The following SLC25A51 variants were observed in gnomAD, a reference collection of about 807,000 sequenced individuals.
The protein encoded by SLC25A51 is solute carrier family 25 member 51, also known as mitochondrial nicotinamide adenine dinucleotide transporter SLC25A51.
In SLC25A51, 11 loss-of-function variants were observed where a neutral mutation model predicts 19.1. The ratio of observed to expected loss-of-function variants is 0.58; its 90% CI spans 0.36 to 0.96. The LOEUF (loss-of-function observed/expected upper bound fraction) is 0.96. SLC25A51 is among the 40% of genes least tolerant of loss of function. SLC25A51 has a pLI of 0.01. For synonymous variants in SLC25A51, 105 were observed against 133.6 expected (o/e 0.79, Z 1.47); for missense variants, 201 against 365.4 (o/e 0.55, Z 3.67).
chr9:37,886,817 C>T (rs1831466805), downstream of SLC25A51, among the ~76,000 whole-genome samples: 1 of 152,134 alleles, frequency 6.6e-6, no homozygotes. Context: ...AATTTTCCCC[C>T]AAGGACTCTT....
exon 4 of SLC25A51, chr9:37,880,062 G>T (rs1022820214): frequency 6.6e-6 from 1 of 152,272 alleles, no homozygotes; most frequent in Admixed American, 6.5e-5. Flanking sequence ...GCTCACGCCT[G>T]TAATCCCAGC....
At chr9:37,887,463 T>A, downstream of SLC25A51, 1 of 623,980 alleles carries the variant, frequency 1.6e-6, no homozygotes, top group Non-Finnish European at 2.7e-6. Context: ...CTTGAGACTT[T>A]CCTTTGTGTG....
At chr9:37,887,583 A>G, downstream of SLC25A51, 2 of 1,501,088 alleles carry the variant, frequency 1.3e-6, no homozygotes, top group Non-Finnish European at 1.8e-6. Context: ...TAAAAAAAAA[A>G]AAAAAAGAGG....
chr9:37,886,934 C>T (rs534623366), downstream of SLC25A51, among the ~76,000 whole-genome samples: 5 of 151,410 alleles, frequency 3.3e-5, no homozygotes, highest in East Asian at 3.9e-4. Context: ...GAGGCCGAGG[C>T]GGGTGGATCA....
intron 2 of SLC25A51, among the ~76,000 whole-genome samples, chr9:37,894,925 T>A (rs975174676): frequency 2.0e-5 from 3 of 152,196 alleles, no homozygotes; most frequent in Admixed American, 6.5e-5. Flanking sequence ...TCCAGCTCCA[T>A]CCATGTTCCA....
intron 2 of SLC25A51, among the ~76,000 whole-genome samples, chr9:37,895,390 G>C (rs997604774): frequency 3.3e-5 from 5 of 150,884 alleles, no homozygotes; most frequent in African/African-American, 1.2e-4. Flanking sequence ...TGTAGAGAAG[G>C]GGTCTTGTTA....
At chr9:37,897,556 TTATAA>T (rs1255597442) in intron 2 of SLC25A51, among the ~76,000 whole-genome samples, 3 of 152,002 alleles carry the variant, frequency 2.0e-5, no homozygotes, top group African/African-American at 7.2e-5. Context: ...GCCTTCTCTT[TTATAA>T]TATGTGTAAT....
At chr9:37,882,776 C>T (rs1009336382), downstream of SLC25A51, among the ~76,000 whole-genome samples, 1 of 152,146 alleles carries the variant, frequency 6.6e-6, no homozygotes, top group African/African-American at 2.4e-5. Context: ...CGCTCATGAG[C>T]CATTTGTGCC....
At chr9:37,882,481 TAC>T (rs1258276645) in intron 2 of SLC25A51, among the ~76,000 whole-genome samples, 3 of 152,238 alleles carry the variant, frequency 2.0e-5, no homozygotes, top group Non-Finnish European at 2.9e-5. Flanking sequence ...GGTAATTATA[TAC>T]ACAAACGCTT....
intron 2 of SLC25A51, among the ~76,000 whole-genome samples, chr9:37,894,305 G>A (rs1316371884): frequency 6.6e-6 from 1 of 151,476 alleles, no homozygotes; most frequent in Non-Finnish European, 1.5e-5. Context: ...AATTAAACCT[G>A]CCCCCACTCA....
At chr9:37,901,068 G>A (rs936973660) in intron 1 of SLC25A51, among the ~76,000 whole-genome samples, 3 of 152,054 alleles carry the variant, frequency 2.0e-5, no homozygotes, top group Non-Finnish European at 2.9e-5. Context: ...GTTTCTCTAC[G>A]TTGCCCAGGC....
downstream of SLC25A51, among the ~76,000 whole-genome samples, chr9:37,885,344 A>C (rs1447265167): frequency 3.4e-5 from 2 of 59,224 alleles, no homozygotes. Context: ...GGTAATGATA[A>C]AAAAAAAAAA....
chr9:37,886,039 C>T, downstream of SLC25A51: 1 of 1,613,264 alleles, frequency 6.2e-7, no homozygotes. Flanking sequence ...ATGCTGACCT[C>T]TCCCTTAAGT....
At chr9:37,895,571 T>C (rs959477204) in intron 2 of SLC25A51, among the ~76,000 whole-genome samples, 2 of 152,186 alleles carry the variant, frequency 1.3e-5, no homozygotes, top group African/African-American at 4.8e-5. Context: ...CATTTTCATA[T>C]ATGTTGCCCA....
At chr9:37,886,110 C>T (rs994745214), downstream of SLC25A51, 82 of 1,472,108 alleles carry the variant, frequency 5.6e-5, no homozygotes, top group Middle Eastern at 1.7e-4. Context: ...GATGTTAGTA[C>T]GCGGTACAAA....
At chr9:37,901,462 C>G (rs1831847330) in intron 1 of SLC25A51, among the ~76,000 whole-genome samples, 2 of 152,204 alleles carry the variant, frequency 1.3e-5, no homozygotes, top group Non-Finnish European at 2.9e-5. Flanking sequence ...AGCCACTGTG[C>G]CTGGCTTATT....
At chr9:37,885,935 A>G, downstream of SLC25A51, 1 of 1,611,676 alleles carries the variant, frequency 6.2e-7, no homozygotes, top group Non-Finnish European at 8.5e-7. Context: ...TGATAAAACC[A>G]TTGATGAGGA....
At chr9:37,888,637 CT>C (rs1478363337) in intron 2 of SLC25A51, 45 bp from the exon 3 acceptor site, 2 of 1,434,632 alleles carry the variant, frequency 1.4e-6, no homozygotes, top group Non-Finnish European at 1.9e-6. Flanking sequence ...TTATAGAGAG[CT>C]AAACACATGG....
chr9:37,888,620 ACCC>A, intron 2 of SLC25A51, 28 bp from the exon 3 acceptor site: 1 of 1,519,116 alleles, frequency 6.6e-7, no homozygotes, highest in Non-Finnish European at 8.8e-7. Flanking sequence ...CAACGGGTAA[ACCC>A]GTTTTATAGA....
Sources: gnomAD v4.1 joint callset for allele counts (sites outside exome capture counted in the v4.1 genomes callset) on GRCh38, gnomAD v4.1.1 for gene constraint, MANE v1.5 for transcripts, NCBI Gene and HGNC (gene_info 2026-07-23, HGNC 2026-07-21) for gene names.